The following RPL37 variants were observed in gnomAD, a reference collection of about 807,000 sequenced individuals.
RPL37 encodes the protein ribosomal protein L37, also known as large ribosomal subunit protein eL37.
In RPL37, 1 loss-of-function variant was observed where a neutral mutation model predicts 14.8. The observed-to-expected ratio is 0.07, with a 90% confidence interval of 0.02 to 0.32. RPL37 has a LOEUF of 0.32. Among genes scored for constraint, RPL37 ranks in the 10% least tolerant of loss-of-function variants. The probability of loss-of-function intolerance (pLI) is 1.00; values close to 1 mark genes in which losing one functional copy is unlikely to be tolerated. For synonymous variants in RPL37, 53 were observed against 45.8 expected, an observed-to-expected ratio of 1.16 and a Z score of -0.63; for missense variants, 100 against 128.3, an observed-to-expected ratio of 0.78 and a Z score of 1.06.
chr5:40,834,198 A>G lies in RPL37; in HGVS notation c.207T>C (p.Ile69=). ...AACTGTACCTGAATCTGCGGTATACAATTTTTAGGTGCCTCATTCGACCAG... is the reference window on the plus strand; with the variant it reads ...AACTGTACCTGAATCTGCGGTATACGATTTTTAGGTGCCTCATTCGACCAG... The part of the protein sequence containing the change: ...TGTGRMRHLK[I]VYRRFRHGFR... The change falls in exon 3 of 4, where the codon ATT becomes ATC. Residue 69 remains isoleucine, a synonymous_variant. Transcript: ENST00000274242. 6.2e-7 allele frequency: 1 copy of G among 1,613,836 alleles called. No individual in the cohort carries two copies. The highest frequency in any genetic ancestry group is 8.5e-7 in the Non-Finnish European group (1 of 1,179,710).
intron 1 of RPL37, 35 bp from the exon 2 acceptor site, chr5:40,834,641 G>A: frequency 6.4e-7 from 1 of 1,566,826 alleles, no homozygotes; most frequent in South Asian, 1.2e-5. Context: ...TCTGAAACCT[G>A]GCAACTTCTA....
In RPL37 at chr5:40,827,211, G is replaced by A. The variant is rs1745535852; in HGVS notation, c.*5293C>T. On this transcript the variant is annotated 3_prime_UTR_variant, in exon 4 of 4. Transcript: ENST00000274242. ...ATCTGCGGGGCCCAGGGATTATGAA[G>A]CCAGCCAGCCAAGGAAGAACTACCC... The A allele has an allele frequency of 6.6e-6, 1 of 152,272 alleles. No homozygotes were observed. The highest frequency in any genetic ancestry group is 1.5e-5 in the Non-Finnish European group (1 of 68,118). The allele number at this position is 152,272 out of a possible 1,614,324, so 9.4% of individuals were successfully genotyped here.
chr5:40,829,071 A>C lies in RPL37; in HGVS notation c.*3433T>G, dbSNP rs1745578323. 1 of 152,182 alleles carries C rather than the reference A, an allele frequency of 6.6e-6. No homozygotes were observed. The highest frequency in any genetic ancestry group is 2.4e-5 in the African/African-American group (1 of 41,434). The allele number at this position is 152,182 out of a possible 1,614,324, so 9.4% of individuals were successfully genotyped here. On this transcript the variant is annotated 3_prime_UTR_variant, in exon 4 of 4. Coordinates refer to ENST00000274242, the MANE Select transcript of RPL37 (RefSeq NM_000997.5). ...AGCCCTCTTGCTTACTCTGACTTCTACATGCCTATCAAATCTCAGTGTTCT... is the reference window on the plus strand; with the variant it reads ...AGCCCTCTTGCTTACTCTGACTTCTCCATGCCTATCAAATCTCAGTGTTCT...
In RPL37 at chr5:40,830,641, C is replaced by A; in HGVS notation, c.*1863G>T. 1 of 152,512 alleles carries A rather than the reference C, an allele frequency of 6.6e-6. No individual in the cohort carries two copies. Among genetic ancestry groups the A allele is most frequent in the Non-Finnish European group, 1.5e-5 (1 of 68,442 alleles). The allele number at this position is 152,512 out of a possible 1,614,324, so 9.4% of individuals were successfully genotyped here. A position where few individuals can be genotyped will look rare whatever the true frequency, so the allele number is the denominator to read the frequency against. ...CCTCTCAAGTAGCTAAGACTACAGGCACATGCCACCACACCCAGCTAATTT... is the reference window on the plus strand; with the variant it reads ...CCTCTCAAGTAGCTAAGACTACAGGAACATGCCACCACACCCAGCTAATTT... On this transcript the variant is annotated 3_prime_UTR_variant, in exon 4 of 4. Coordinates refer to ENST00000274242, the MANE Select transcript of RPL37 (RefSeq NM_000997.5).
rs1745587742 is a variant in RPL37, at chr5:40,829,376, C to A, written c.*3128G>T. 1 of 152,204 alleles carries A rather than the reference C, an allele frequency of 6.6e-6. No individual in the cohort carries two copies. Among genetic ancestry groups the A allele is most frequent in the South Asian group, 2.1e-4 (1 of 4,834 alleles). 9.4% of individuals were successfully genotyped at this position (152,204 alleles called of 1,614,324 possible). A position where few individuals can be genotyped will look rare whatever the true frequency, so the allele number is the denominator to read the frequency against. On this transcript the variant is annotated 3_prime_UTR_variant, in exon 4 of 4. Coordinates refer to ENST00000274242, the MANE Select transcript of RPL37 (RefSeq NM_000997.5). ...CCTCTGTAATTTCTCAAGACAAATT[C>A]TTCATAATCTGATCGCTGCTCTTCC... is the stretch of plus-strand genomic sequence containing the variant.
At position 40,832,098 on chromosome 5, in the gene RPL37, A is replaced by G. The variant is rs1745652762; in HGVS notation, c.*406T>C. The G allele has an allele frequency of 9.8e-6, 2 of 204,006 alleles. No homozygotes were observed. Among genetic ancestry groups the G allele is most frequent in the South Asian group, 1.7e-4 (2 of 12,082 alleles). The allele number at this position is 204,006 out of a possible 1,614,324, so 12.6% of individuals were successfully genotyped here. On this transcript the variant is annotated 3_prime_UTR_variant, in exon 4 of 4. Coordinates refer to ENST00000274242, the MANE Select transcript of RPL37 (RefSeq NM_000997.5). ...TGGTACTCCCAAGCTCTATGTGACTAATAATCATCCCCCTAGTCATGACAG... is the reference window on the plus strand; with the variant it reads ...TGGTACTCCCAAGCTCTATGTGACTGATAATCATCCCCCTAGTCATGACAG...
intron 3 of RPL37, chr5:40,832,836 C>A: frequency 2.1e-6 from 1 of 485,918 alleles, no homozygotes. Context: ...GTCATTGGGC[C>A]AGTATGTTTG....
chr5:40,827,732 C>CT lies in RPL37; in HGVS notation c.*4771dup, dbSNP rs34942723. The CT allele has an allele frequency of 0.076, 11,158 of 145,902 alleles. 412 individuals are homozygous for CT. Among genetic ancestry groups the CT allele is most frequent in the East Asian group, 0.11 (532 of 5,020 alleles). The allele number at this position is 145,902 out of a possible 1,614,324, so 9.0% of individuals were successfully genotyped here. A position where few individuals can be genotyped will look rare whatever the true frequency, so the allele number is the denominator to read the frequency against. Reference sequence around the variant, plus strand: ...ATTTTGCTTAAGTCCTTCCTTTATCCTTTTTTTTTTTTGAGATGGAGTCTC... The same window carrying CT: ...ATTTTGCTTAAGTCCTTCCTTTATCCTTTTTTTTTTTTTGAGATGGAGTCTC... On this transcript the variant is annotated 3_prime_UTR_variant, in exon 4 of 4. Transcript: ENST00000274242.
In RPL37 at chr5:40,832,397, G is replaced by T; in HGVS notation, c.*107C>A. ...AGCTAGCCCAGTCCCTAAACCTACAGTATTTCACTGATACTACAAGCCTAA... is the reference window on the plus strand; with the variant it reads ...AGCTAGCCCAGTCCCTAAACCTACATTATTTCACTGATACTACAAGCCTAA... On this transcript the variant is annotated 3_prime_UTR_variant, in exon 4 of 4. Transcript: ENST00000274242. 1.1e-6 allele frequency: 1 copy of T among 938,708 alleles called. No homozygotes were observed. Among genetic ancestry groups the T allele is most frequent in the Non-Finnish European group, 1.8e-6 (1 of 567,924 alleles). 58.1% of individuals were successfully genotyped at this position (938,708 alleles called of 1,614,324 possible).
Position 40,827,885 on chromosome 5 carries a change from C to G in RPL37, c.*4619G>C, listed in dbSNP as rs1745551988. On this transcript the variant is annotated 3_prime_UTR_variant, in exon 4 of 4. Coordinates refer to ENST00000274242, the MANE Select transcript of RPL37 (RefSeq NM_000997.5). ...CACCACCAGGCCTGGCCAGTCCTTC[C>G]ATTCTTAGTTCTTGAGGTTATGCAG... 1 of 152,014 alleles carries G rather than the reference C, an allele frequency of 6.6e-6. No individual in the cohort carries two copies. The highest frequency in any genetic ancestry group is 1.5e-5 in the Non-Finnish European group (1 of 68,028). 9.4% of individuals were successfully genotyped at this position (152,014 alleles called of 1,614,324 possible). A position where few individuals can be genotyped will look rare whatever the true frequency, so the allele number is the denominator to read the frequency against.
Position 40,830,499 on chromosome 5 carries a change from G to GT in RPL37, c.*2004_*2005insA, listed in dbSNP as rs1268063565. On this transcript the variant is annotated 3_prime_UTR_variant, in exon 4 of 4. Coordinates refer to ENST00000274242, the MANE Select transcript of RPL37 (RefSeq NM_000997.5). ...TGAAAATTTGAGTCATTAGTTCAAG[G>GT]ATTTTTTTTTTTTTTTGAGGTGGAG... is the stretch of plus-strand genomic sequence containing the variant. 4 of 132,076 alleles carry GT rather than the reference G, an allele frequency of 3.0e-5. No homozygotes were observed. In the East Asian group the frequency reaches 8.3e-4, roughly 27 times the overall value. The allele number at this position is 132,076 out of a possible 1,614,324, so 8.2% of individuals were successfully genotyped here.
Position 40,835,189 on chromosome 5 carries a change from G to T in RPL37, c.-4C>A, listed in dbSNP as rs1214562388. 1 of 1,613,990 alleles carries T rather than the reference G, an allele frequency of 6.2e-7. No individual in the cohort carries two copies. Among genetic ancestry groups the T allele is most frequent in the Non-Finnish European group, 8.5e-7 (1 of 1,180,042 alleles). ...CACCACAGTCACAACTCACCATCTC[G>T]CTTCTGCGGCCGAGACCAGAAAGAC... On this transcript the variant is annotated 5_prime_UTR_variant, in exon 1 of 4. Transcript: ENST00000274242.
rs992461290 is a variant in RPL37 at position 40,831,110 on chromosome 5, C to T, written c.*1394G>A. ...TACAAAAAGAATTAGTCGAGTGAAT[C>T]TCCATCTCTACAAAAAACACAAAAA... is the stretch of plus-strand genomic sequence containing the variant. On this transcript the variant is annotated 3_prime_UTR_variant, in exon 4 of 4. Coordinates refer to ENST00000274242, the MANE Select transcript of RPL37 (RefSeq NM_000997.5). The T allele has an allele frequency of 2.0e-5, 3 of 152,012 alleles. No homozygotes were observed. Among genetic ancestry groups the T allele is most frequent in the Admixed American group, 6.6e-5 (1 of 15,254 alleles). 9.4% of individuals were successfully genotyped at this position (152,012 alleles called of 1,614,324 possible). A position where few individuals can be genotyped will look rare whatever the true frequency, so the allele number is the denominator to read the frequency against.
chr5:40,832,266 G>A lies in RPL37; in HGVS notation c.*238C>T, dbSNP rs1170517630. 1.9e-6 allele frequency: 1 copy of A among 513,278 alleles called. No homozygotes were observed. The highest frequency in any genetic ancestry group is 3.6e-6 in the Non-Finnish European group (1 of 278,036). 31.8% of individuals were successfully genotyped at this position (513,278 alleles called of 1,614,324 possible). A position where few individuals can be genotyped will look rare whatever the true frequency, so the allele number is the denominator to read the frequency against. On this transcript the variant is annotated 3_prime_UTR_variant, in exon 4 of 4. Transcript: ENST00000274242. ...TGTCTTCCAGTGCCCTCTGCTTCAA[G>A]GACTCCTGGAATTCTGCTTGTTTCT... is the stretch of plus-strand genomic sequence containing the variant.
intron 2 of RPL37, 88 bp from the exon 3 acceptor site, chr5:40,834,353 A>G: frequency 1.9e-6 from 3 of 1,555,794 alleles, no homozygotes; most frequent in South Asian, 1.1e-5. Context: ...ATGCCACCTC[A>G]TCGGCATACA....
intron 3 of RPL37, among the ~76,000 whole-genome samples, chr5:40,833,431 G>GT (rs765846541): frequency 3.9e-5 from 6 of 152,178 alleles, no homozygotes; most frequent in Admixed American, 2.0e-4. Context: ...TCTTAGATGG[G>GT]TTAATCTCTT....
At chr5:40,834,137 T>C (rs747563427) in intron 3 of RPL37, 44 bp downstream of exon 3, 13 of 1,352,744 alleles carry the variant, frequency 9.6e-6, no homozygotes, top group Non-Finnish European at 1.4e-5. Context: ...GAGGGTTTCA[T>C]TCAAGCCCAC....
chr5:40,830,096 G>A lies in RPL37; in HGVS notation c.*2408C>T, dbSNP rs941498674. ...AACCTGACTTTGTGAACTAAGATGG[G>A]AGGGAAGTAGGGGCTGGAGGGAGGC... On this transcript the variant is annotated 3_prime_UTR_variant, in exon 4 of 4. Transcript: ENST00000274242. 2 of 152,312 alleles carry A rather than the reference G, an allele frequency of 1.3e-5. No homozygotes were observed. The highest frequency in any genetic ancestry group is 1.3e-4 in the Admixed American group (2 of 15,292). 9.4% of individuals were successfully genotyped at this position (152,312 alleles called of 1,614,324 possible).
At position 40,835,174 on chromosome 5, in the gene RPL37, A is replaced by T. The variant is rs748185143; in HGVS notation, c.3+9T>A. ...AACGCGATTCACAAACACCACAGTC[A>T]CAACTCACCATCTCGCTTCTGCGGC... is the stretch of plus-strand genomic sequence containing the variant. On this transcript the variant is annotated intron_variant, in intron 1 of 3. Transcript: ENST00000274242. 5.0e-6 allele frequency: 8 copies of T among 1,614,044 alleles called. No homozygotes were observed. The African/African-American group carries it at 1.1e-4, about 22-fold the overall frequency.
Sources: gnomAD v4.1 joint callset for allele counts (sites outside exome capture counted in the v4.1 genomes callset) on GRCh38, gnomAD v4.1.1 for gene constraint, MANE v1.5 for transcripts, NCBI Gene and HGNC (gene_info 2026-07-23, HGNC 2026-07-21) for gene names.